ABCD2: variants seen among roughly 807,000 people sequenced by gnomAD.
ABCD2 encodes the protein ATP-binding cassette sub-family D member 2.
ABCD2 carries 36 observed loss-of-function variants against 70.9 expected under a neutral mutation model. The ratio of observed to expected loss-of-function variants is 0.51; its 90% confidence interval spans 0.39 to 0.67. The LOEUF (loss-of-function observed/expected upper bound fraction) is 0.67. ABCD2 is among the 30% of genes least tolerant of loss of function. ABCD2 has a pLI of 0.00. For missense variants in ABCD2, 729 were observed against 890.2 expected, an observed-to-expected ratio of 0.82 and a Z score of 2.30; for synonymous variants, 304 against 306.9, an observed-to-expected ratio of 0.99 and a Z score of 0.10.
chr12:39,607,464 A>G (rs1941983975), intron 3 of ABCD2, 135 bp downstream of exon 3: 4 of 651,278 alleles, frequency 6.1e-6, no homozygotes, highest in Non-Finnish European at 1.1e-5. Context: ...GCTGCCCTTA[A>G]TCTTGATTAT....
intron 5 of ABCD2, among the ~76,000 whole-genome samples, chr12:39,601,674 T>G (rs1941898827): frequency 6.6e-6 from 1 of 152,140 alleles, no homozygotes; most frequent in South Asian, 2.1e-4. Context: ...TTACAGGATG[T>G]CTGTAGATCT....
At chr12:39,537,961 A>G in the ABCD2 span, among the ~76,000 whole-genome samples, 1 of 152,222 alleles carries the variant, frequency 6.6e-6, no homozygotes, top group Admixed American at 6.5e-5. Flanking sequence ...GTCTGGAGGC[A>G]GGGAACCTAA....
At chr12:39,539,917 T>G in the ABCD2 span, 2 of 152,544 alleles carry the variant, frequency 1.3e-5, no homozygotes, top group African/African-American at 4.8e-5. Flanking sequence ...GGTTTCCTGC[T>G]TTCTAATTTT....
chr12:39,552,631 T>G lies in ABCD2; in HGVS notation c.*1281A>C, dbSNP rs1475056409. On this transcript the variant is annotated 3_prime_UTR_variant, in exon 10 of 10. Coordinates refer to ENST00000308666, the MANE Select transcript of ABCD2 (RefSeq NM_005164.4). ...ATTAATATTGAGTAAGACTGCATAG[T>G]TGCTGAATGATTTACTAACTTTCTC... 6.6e-6 allele frequency: 1 copy of G among 152,002 alleles called. No homozygotes were observed. Among genetic ancestry groups the G allele is most frequent in the South Asian group, 2.1e-4 (1 of 4,832 alleles). 9.4% of individuals were successfully genotyped at this position (152,002 alleles called of 1,614,324 possible). A position where few individuals can be genotyped will look rare whatever the true frequency, so the allele number is the denominator to read the frequency against.
rs572905069 is a variant in ABCD2, at chr12:39,550,449, A to G, written c.*3463T>C. Reference sequence around the variant, plus strand: ...TTTTACCTTTAAGGACATTTTTCTCATTCATTTTCATTAATACAATTCTGG... The same window carrying G: ...TTTTACCTTTAAGGACATTTTTCTCGTTCATTTTCATTAATACAATTCTGG... On this transcript the variant is annotated 3_prime_UTR_variant, in exon 10 of 10. Coordinates refer to ENST00000308666, the MANE Select transcript of ABCD2 (RefSeq NM_005164.4). The G allele has an allele frequency of 6.6e-6, 1 of 151,858 alleles. No individual in the cohort carries two copies. Among genetic ancestry groups the G allele is most frequent in the Non-Finnish European group, 1.5e-5 (1 of 67,662 alleles). The allele number at this position is 151,858 out of a possible 1,614,324, so 9.4% of individuals were successfully genotyped here. A position where few individuals can be genotyped will look rare whatever the true frequency, so the allele number is the denominator to read the frequency against.
At chr12:39,580,482 T>C (rs1941582022) in intron 7 of ABCD2, among the ~76,000 whole-genome samples, 1 of 152,222 alleles carries the variant, frequency 6.6e-6, no homozygotes, top group Admixed American at 6.5e-5. Context: ...TTCAGAATTG[T>C]ATATATCATC....
intron 5 of ABCD2, among the ~76,000 whole-genome samples, chr12:39,602,049 T>A (rs1219641836): frequency 6.6e-6 from 1 of 151,694 alleles, no homozygotes; most frequent in African/African-American, 2.4e-5. Flanking sequence ...TTTCTCAGCA[T>A]AAAGGTCTCT....
rs1160809304 is a variant in ABCD2 at position 39,604,003 on chromosome 12, T to G, written c.1409A>C (p.Lys470Thr). 3 of 1,603,508 alleles carry G rather than the reference T, an allele frequency of 1.9e-6. No individual in the cohort carries two copies. The African/African-American group carries it at 4.0e-5, about 21-fold the overall frequency. The change falls in exon 5 of 10, where the codon AAA becomes ACA. Residue 470 changes from lysine to threonine, a missense_variant. Physicochemically the swap from Lys to Thr is moderately conservative, Grantham distance 78. Transcript: ENST00000308666. The part of the protein sequence containing the change: ...PLSDTLAIKG[K>T]VIDVDHGIIC... Reference sequence around the variant, plus strand: ...AATTCCGTGATCCACATCAATAACTTTTCCTGTAATTAAGAAAAAGTGTAA... The same window carrying G: ...AATTCCGTGATCCACATCAATAACTGTTCCTGTAATTAAGAAAAAGTGTAA...
chr12:39,565,267 A>G (rs1386946105), intron 9 of ABCD2, among the ~76,000 whole-genome samples: 1 of 152,104 alleles, frequency 6.6e-6, no homozygotes, highest in Admixed American at 6.5e-5. Flanking sequence ...ATGAGCATGG[A>G]ATGTTCTTCC....
chr12:39,575,674 C>T (rs1262466997), intron 8 of ABCD2, among the ~76,000 whole-genome samples: 1 of 152,200 alleles, frequency 6.6e-6, no homozygotes, highest in African/African-American at 2.4e-5. Context: ...AACTTTAAAT[C>T]ATTTGAGAAT....
chr12:39,574,951 A>G (rs917346873), intron 8 of ABCD2, among the ~76,000 whole-genome samples: 11 of 152,168 alleles, frequency 7.2e-5, no homozygotes, highest in Non-Finnish European at 1.5e-4. Flanking sequence ...CTATGCAAAG[A>G]ATAAAAGATC....
intron 9 of ABCD2, among the ~76,000 whole-genome samples, chr12:39,556,479 G>A (rs368550291): frequency 7.9e-5 from 12 of 152,142 alleles, no homozygotes; most frequent in South Asian, 2.1e-4. Context: ...TCCTGTGTTC[G>A]TTCTCTTTCT....
chr12:39,532,995 T>TG, the ABCD2 span, among the ~76,000 whole-genome samples: 78 of 151,114 alleles, frequency 5.2e-4, no homozygotes, highest in African/African-American at 1.8e-3. Context: ...CCGTCTCTAC[T>TG]GAAAAAAAAA....
At chr12:39,534,040 AC>A in the ABCD2 span, among the ~76,000 whole-genome samples, 5 of 152,158 alleles carry the variant, frequency 3.3e-5, no homozygotes, top group Non-Finnish European at 7.4e-5. Context: ...TGATAGTATT[AC>A]TGTTTTTTTT....
intron 9 of ABCD2, among the ~76,000 whole-genome samples, chr12:39,566,640 C>T (rs2120567680): frequency 6.6e-6 from 1 of 152,210 alleles, no homozygotes; most frequent in South Asian, 2.1e-4. Context: ...TTCAGTTCTG[C>T]TCTGATCTTA....
In ABCD2 at chr12:39,617,178, G is replaced by C; in HGVS notation, c.940-10C>G. Reference sequence around the variant, plus strand: ...GTTGTTTCATTTCTACCTATAGAGAGGAAAAAGAGTTGAGGACTTTTTTTA... The same window carrying C: ...GTTGTTTCATTTCTACCTATAGAGACGAAAAAGAGTTGAGGACTTTTTTTA... On this transcript the variant is annotated splice_polypyrimidine_tract_variant and intron_variant, in intron 1 of 9. Coordinates refer to ENST00000308666, the MANE Select transcript of ABCD2 (RefSeq NM_005164.4). The C allele has an allele frequency of 6.5e-7, 1 of 1,532,842 alleles. No homozygotes were observed. Among genetic ancestry groups the C allele is most frequent in the East Asian group, 2.3e-5 (1 of 42,910 alleles). The allele number at this position is 1,532,842 out of a possible 1,614,324, so 95.0% of individuals were successfully genotyped here.
chr12:39,559,337 AT>A (rs1238426846), intron 9 of ABCD2, among the ~76,000 whole-genome samples: 3 of 142,368 alleles, frequency 2.1e-5, no homozygotes, highest in East Asian at 2.3e-4. Flanking sequence ...AGATCACACC[AT>A]TGCACTCCAG....
chr12:39,556,466 T>C (rs1391512985), intron 9 of ABCD2, among the ~76,000 whole-genome samples: 2 of 152,098 alleles, frequency 1.3e-5, no homozygotes, highest in African/African-American at 2.4e-5. Flanking sequence ...GTTTGGTAGT[T>C]CCTCCTGTGT....
chr12:39,595,821 G>A (rs1941808167), intron 6 of ABCD2, among the ~76,000 whole-genome samples: 1 of 152,196 alleles, frequency 6.6e-6, no homozygotes. Context: ...TGCTTTTTGA[G>A]AAGTAATTTA....
Sources: allele counts gnomAD v4.1 joint callset (sites outside exome capture counted in the v4.1 genomes callset), GRCh38; gene constraint gnomAD v4.1.1; transcripts MANE v1.5; gene names NCBI Gene and HGNC (gene_info 2026-07-23, HGNC 2026-07-21).